The following PPARGC1A variants were observed in gnomAD, a reference collection of about 807,000 sequenced individuals.
PPARGC1A encodes peroxisome proliferator-activated receptor gamma coactivator 1-alpha.
In PPARGC1A, 25 loss-of-function variants were observed where a neutral mutation model predicts 88.7. The observed-to-expected ratio is 0.28, with a 90% CI of 0.21 to 0.39. The LOEUF is 0.39. PPARGC1A is among the 10% of genes least tolerant of loss of function. The probability of loss-of-function intolerance (pLI) is 1.00; values close to 1 mark genes in which losing one functional copy is unlikely to be tolerated. For synonymous variants in PPARGC1A, 363 were observed against 355.6 expected, an observed-to-expected ratio of 1.02 and a Z score of -0.24; for missense variants, 880 against 968.7, an observed-to-expected ratio of 0.91 and a Z score of 1.22.
the PPARGC1A span, among the ~76,000 whole-genome samples, chr4:23,927,908 T>C: frequency 6.6e-6 from 1 of 152,106 alleles, no homozygotes; most frequent in East Asian, 1.9e-4. Context: ...CTTTAACCAA[T>C]CAGAATGCAT....
At position 23,813,884 on chromosome 4, in the gene PPARGC1A, C is replaced by G; in HGVS notation, c.1599G>C (p.Leu533Phe). ...AAGAACAAGAAGGAGACACATTGAA[C>G]AATGAATAGGATTGCGTGCCATCCC... The part of the protein sequence containing the change: ...YPWDGTQSYS[L>F]FNVSPSCSSF... The change falls in exon 8 of 13, where the codon TTG (leucine) becomes TTC (phenylalanine). Residue 533 changes from leucine (L) to phenylalanine (F), a missense_variant. Physicochemically the swap from Leu to Phe is conservative, Grantham distance 22 (BLOSUM62 0). Coordinates refer to ENST00000264867, the MANE Select transcript of PPARGC1A (RefSeq NM_013261.5). 1 of 1,613,994 alleles carries G rather than the reference C, an allele frequency of 6.2e-7. No homozygotes were observed.
chr4:24,147,832 T>A, the PPARGC1A span, among the ~76,000 whole-genome samples: 4 of 152,118 alleles, frequency 2.6e-5, no homozygotes, highest in African/African-American at 9.7e-5. Flanking sequence ...TAGTCCCAGC[T>A]ACATGGGAGG....
At chr4:23,939,182 T>A in the PPARGC1A span, among the ~76,000 whole-genome samples, 1 of 152,182 alleles carries the variant, frequency 6.6e-6, no homozygotes, top group Non-Finnish European at 1.5e-5. Context: ...CTCAAATCAA[T>A]GGTAGCAACC....
intron 2 of PPARGC1A, among the ~76,000 whole-genome samples, chr4:23,835,374 A>G (rs1252012633): frequency 6.6e-6 from 1 of 152,168 alleles, no homozygotes; most frequent in African/African-American, 2.4e-5. Context: ...AATTTATAAG[A>G]TCTGATTAAA....
At chr4:24,446,371 GTC>G in the PPARGC1A span, among the ~76,000 whole-genome samples, 1 of 152,138 alleles carries the variant, frequency 6.6e-6, no homozygotes, top group East Asian at 1.9e-4. Flanking sequence ...CCATTTGTGT[GTC>G]TTCTTCGGAG....
At chr4:24,449,572 G>T in the PPARGC1A span, among the ~76,000 whole-genome samples, 3 of 152,180 alleles carry the variant, frequency 2.0e-5, no homozygotes, top group Non-Finnish European at 4.4e-5. Context: ...ACATGATAGA[G>T]CCTCCAAAAA....
chr4:23,879,884 A>G (rs1035074151), intron 2 of PPARGC1A: 2 of 151,992 alleles, frequency 1.3e-5, no homozygotes, highest in African/African-American at 2.4e-5. Context: ...CTTACATCCA[A>G]ACTTACTCCC....
chr4:24,175,200 G>T, the PPARGC1A span, among the ~76,000 whole-genome samples: 1 of 152,054 alleles, frequency 6.6e-6, no homozygotes, highest in Non-Finnish European at 1.5e-5. Context: ...AGTCTATCAG[G>T]TAATTATGGG....
chr4:23,839,913 C>G (rs1239109931), intron 2 of PPARGC1A, among the ~76,000 whole-genome samples: 1 of 152,062 alleles, frequency 6.6e-6, no homozygotes, highest in Non-Finnish European at 1.5e-5. Flanking sequence ...ATAATTCAGT[C>G]ATCTCCCCCG....
the PPARGC1A span, among the ~76,000 whole-genome samples, chr4:23,962,325 C>T: frequency 6.6e-6 from 1 of 152,034 alleles, no homozygotes; most frequent in African/African-American, 2.4e-5. Flanking sequence ...CACATTTGGA[C>T]CACAGGGTCA....
At chr4:23,965,264 T>C in the PPARGC1A span, among the ~76,000 whole-genome samples, 1 of 152,220 alleles carries the variant, frequency 6.6e-6, no homozygotes, top group Non-Finnish European at 1.5e-5. Flanking sequence ...CTGATTAAAA[T>C]CACAGTTGCT....
At chr4:24,251,150 A>C in the PPARGC1A span, among the ~76,000 whole-genome samples, 2 of 152,228 alleles carry the variant, frequency 1.3e-5, no homozygotes, top group Non-Finnish European at 2.9e-5. Context: ...ACTAATTAGC[A>C]TAAGTCATTA....
the PPARGC1A span, among the ~76,000 whole-genome samples, chr4:24,249,243 A>C: frequency 4.6e-5 from 7 of 152,196 alleles, no homozygotes; most frequent in Admixed American, 1.3e-4. Flanking sequence ...TACAGGAAAG[A>C]AAAATAGCTA....
the PPARGC1A span, among the ~76,000 whole-genome samples, chr4:24,372,983 C>T: frequency 6.6e-6 from 1 of 152,144 alleles, no homozygotes; most frequent in African/African-American, 2.4e-5. Context: ...AACACCAGCC[C>T]GGGGGACACT....
At chr4:24,101,460 A>G in the PPARGC1A span, among the ~76,000 whole-genome samples, 1 of 152,202 alleles carries the variant, frequency 6.6e-6, no homozygotes, top group Non-Finnish European at 1.5e-5. Context: ...TCAGATTTTA[A>G]GTGTGCCTAT....
At chr4:23,816,908 A>G (rs1022660454) in intron 7 of PPARGC1A, among the ~76,000 whole-genome samples, 1 of 152,060 alleles carries the variant, frequency 6.6e-6, no homozygotes, top group Admixed American at 6.6e-5. Flanking sequence ...TTGCATTATT[A>G]TTTTGTACTA....
chr4:24,000,434 C>T, the PPARGC1A span, among the ~76,000 whole-genome samples: 6 of 151,990 alleles, frequency 3.9e-5, no homozygotes, highest in Admixed American at 6.6e-5. Flanking sequence ...AAATTAAACA[C>T]GTGCTTAAAT....
chr4:24,404,724 G>A, the PPARGC1A span, among the ~76,000 whole-genome samples: 16 of 152,166 alleles, frequency 1.1e-4, no homozygotes, highest in Non-Finnish European at 2.1e-4. Flanking sequence ...ATAGAATACA[G>A]GCTCGATGTT....
the PPARGC1A span, among the ~76,000 whole-genome samples, chr4:24,228,123 A>G: frequency 6.6e-6 from 1 of 152,136 alleles, no homozygotes; most frequent in African/African-American, 2.4e-5. Context: ...GGATGGGGGA[A>G]CATCCTGCAA....
Sources: gnomAD v4.1 joint callset for allele counts (sites outside exome capture counted in the v4.1 genomes callset) on GRCh38, gnomAD v4.1.1 for gene constraint, MANE v1.5 for transcripts, NCBI Gene and HGNC (gene_info 2026-07-23, HGNC 2026-07-21) for gene names.